The following CNTNAP5 variants were observed in gnomAD, a reference collection of about 807,000 sequenced individuals.
CNTNAP5 encodes the protein contactin-associated protein-like 5.
Under a neutral mutation model 150.2 loss-of-function variants are expected in CNTNAP5, and 72 were observed. The observed-to-expected ratio is 0.48, with a 90% CI of 0.40 to 0.58. The LOEUF is 0.58. CNTNAP5 is among the 20% of genes least tolerant of loss of function. The pLI is 0.00. For synonymous variants in CNTNAP5, 672 were observed against 619.8 expected, an observed-to-expected ratio of 1.08 and a Z score of -1.25; for missense variants, 1,636 against 1,626.2, an observed-to-expected ratio of 1.01 and a Z score of -0.10.
intron 19 of CNTNAP5, among the ~76,000 whole-genome samples, chr2:124,808,411 A>C (rs1296355505): frequency 6.6e-6 from 1 of 151,936 alleles, no homozygotes; most frequent in Non-Finnish European, 1.5e-5. Flanking sequence ...AACATGGTGA[A>C]ACTCCGTCTC....
At chr2:124,221,617 G>A in intron 1 of CNTNAP5, 88 bp from the exon 2 acceptor site, 1 of 847,956 alleles carries the variant, frequency 1.2e-6, no homozygotes, top group Admixed American at 2.1e-5. Context: ...AATAAATGAT[G>A]GTAGTTAATT....
At chr2:124,179,196 G>T (rs1160752834) in intron 1 of CNTNAP5, among the ~76,000 whole-genome samples, 2 of 151,392 alleles carry the variant, frequency 1.3e-5, no homozygotes, top group African/African-American at 4.9e-5. Flanking sequence ...TTGCTCTGTG[G>T]CCCAGGCTGG....
intron 17 of CNTNAP5, among the ~76,000 whole-genome samples, chr2:124,786,323 AAGAAAGAAAG>A (rs1477576371): frequency 6.8e-6 from 1 of 146,598 alleles, no homozygotes; most frequent in East Asian, 2.0e-4. Context: ...GAAAGAAAGG[AAGAAAGAAAG>A]AGAAAGAAAG....
At chr2:124,914,018 T>C in intron 23 of CNTNAP5, 74 bp from the exon 24 acceptor site, 1 of 1,096,134 alleles carries the variant, frequency 9.1e-7, no homozygotes, top group Non-Finnish European at 1.3e-6. Context: ...TCCCCTCATC[T>C]GGAGGGAATC....
At chr2:124,904,864 C>T (rs575251621) in intron 22 of CNTNAP5, among the ~76,000 whole-genome samples, 40 of 150,660 alleles carry the variant, frequency 2.7e-4, no homozygotes, top group East Asian at 2.0e-4. Flanking sequence ...TCAACAAGAG[C>T]GAAAATTTAA....
chr2:124,364,343 C>T (rs145852640), intron 3 of CNTNAP5, among the ~76,000 whole-genome samples: 221 of 152,272 alleles, frequency 1.5e-3, no homozygotes, highest in Non-Finnish European at 2.0e-3. Context: ...TCTGCAAATG[C>T]GTTTGCAATG....
At chr2:124,233,620 A>T (rs781250228) in intron 2 of CNTNAP5, among the ~76,000 whole-genome samples, 1 of 152,068 alleles carries the variant, frequency 6.6e-6, no homozygotes, top group East Asian at 1.9e-4. Context: ...AACCATGTCT[A>T]TAAATCTTCA....
chr2:124,491,559 G>A (rs1694027877), intron 7 of CNTNAP5, among the ~76,000 whole-genome samples: 1 of 152,130 alleles, frequency 6.6e-6, no homozygotes, highest in African/African-American at 2.4e-5. Flanking sequence ...GAACATGAGA[G>A]TGCGCATATC....
At chr2:124,761,918 T>C (rs552159962) in intron 14 of CNTNAP5, among the ~76,000 whole-genome samples, 1 of 152,116 alleles carries the variant, frequency 6.6e-6, no homozygotes, top group African/African-American at 2.4e-5. Flanking sequence ...CCAGAATGTG[T>C]ATGAAAGGCA....
At chr2:124,609,679 C>T in intron 11 of CNTNAP5, 122 bp from the exon 12 acceptor site, 1 of 1,088,366 alleles carries the variant, frequency 9.2e-7, no homozygotes, top group Non-Finnish European at 1.3e-6. Context: ...GGGAAAAAGT[C>T]AAGGATATAG....
At chr2:124,396,229 T>C (rs905662651) in intron 3 of CNTNAP5, among the ~76,000 whole-genome samples, 1 of 152,224 alleles carries the variant, frequency 6.6e-6, no homozygotes. Context: ...CCAAGCTGGA[T>C]AGTCTGAAAA....
chr2:124,066,781 C>G (rs528801034), intron 1 of CNTNAP5, among the ~76,000 whole-genome samples: 1 of 152,276 alleles, frequency 6.6e-6, no homozygotes, highest in Non-Finnish European at 1.5e-5. Context: ...ATGCCCCAAT[C>G]ATATGCTTCC....
At chr2:124,394,378 A>G (rs2553626) in intron 3 of CNTNAP5, among the ~76,000 whole-genome samples, 23,580 of 150,576 alleles carry the variant, frequency 0.16, 1,821 homozygotes, top group East Asian at 0.27. Flanking sequence ...TCTCAAAAAA[A>G]AAAAAAAAAA....
Position 124,764,040 on chromosome 2 carries a change from A to G in CNTNAP5, c.2426A>G (p.His809Arg), listed in dbSNP as rs749117383. 3 of 1,613,302 alleles carry G rather than the reference A, an allele frequency of 1.9e-6. No homozygotes were observed. Among genetic ancestry groups the G allele is most frequent in the South Asian group, 2.2e-5 (2 of 91,074 alleles). Reference sequence around the variant, plus strand: ...TCTTACCTCCACTTTCCTACCTTCCATGCGGAATTCAGTGCCGATATTTCC... The same window carrying G: ...TCTTACCTCCACTTTCCTACCTTCCGTGCGGAATTCAGTGCCGATATTTCC... Reference protein sequence around the residue: ...EASYLHFPTFHAEFSADISFF... With the variant: ...EASYLHFPTFRAEFSADISFF... The change falls in exon 16 of 24, where the codon CAT (histidine) becomes CGT (arginine). Residue 809 changes from histidine (H) to arginine (R), a missense_variant. By Grantham distance (29) the His-to-Arg change is conservative. Transcript: ENST00000682447.
chr2:124,078,194 C>T (rs1682480966), intron 1 of CNTNAP5, among the ~76,000 whole-genome samples: 1 of 152,100 alleles, frequency 6.6e-6, no homozygotes, highest in African/African-American at 2.4e-5. Flanking sequence ...TGTACATTTT[C>T]CCATGAAGAT....
chr2:124,165,825 G>A (rs1165377252), intron 1 of CNTNAP5, among the ~76,000 whole-genome samples: 2 of 152,164 alleles, frequency 1.3e-5, no homozygotes, highest in Non-Finnish European at 2.9e-5. Context: ...AAAACCCCCA[G>A]ATTGCTGACT....
chr2:124,370,298 A>C (rs989473757), intron 3 of CNTNAP5, among the ~76,000 whole-genome samples: 1 of 151,674 alleles, frequency 6.6e-6, no homozygotes, highest in African/African-American at 2.4e-5. Flanking sequence ...AGCAGCAGGA[A>C]GAAGAGAAAG....
At chr2:124,700,871 C>T (rs773836577) in intron 13 of CNTNAP5, among the ~76,000 whole-genome samples, 3 of 151,974 alleles carry the variant, frequency 2.0e-5, no homozygotes, top group African/African-American at 4.8e-5. Context: ...AATGCAATTG[C>T]GTTTTTTGCC....
intron 1 of CNTNAP5, among the ~76,000 whole-genome samples, chr2:124,178,082 C>T (rs1038498645): frequency 1.1e-4 from 16 of 151,840 alleles, no homozygotes; most frequent in South Asian, 6.2e-4. Flanking sequence ...CCTGACCTTA[C>T]GTGATCCACC....
Sources: allele counts gnomAD v4.1 joint callset (sites outside exome capture counted in the v4.1 genomes callset), GRCh38; gene constraint gnomAD v4.1.1; transcripts MANE v1.5; gene names NCBI Gene and HGNC (gene_info 2026-07-23, HGNC 2026-07-21).